The following TAF1 variants were observed in gnomAD, a reference collection of about 807,000 sequenced individuals.
TAF1 encodes TATA-box binding protein associated factor 1.
Under a neutral mutation model 138.5 loss-of-function variants are expected in TAF1, and 2 were observed. The ratio of observed to expected loss-of-function variants is 0.01; its 90% CI spans 0.01 to 0.05. The LOEUF (loss-of-function observed/expected upper bound fraction) is 0.05. Ranked by LOEUF, TAF1 falls within the 10% of genes least tolerant of loss-of-function variation. The probability of loss-of-function intolerance (pLI) is 1.00; values close to 1 mark genes in which losing one functional copy is unlikely to be tolerated. For missense variants in TAF1, 709 were observed against 1,478.0 expected (o/e 0.48, Z 8.53); for synonymous variants, 437 against 503.2 (o/e 0.87, Z 1.76).
Position 71,420,102 on chromosome X carries a change from G to A in TAF1, c.4385-1207G>A, listed in dbSNP as rs2036251289. Reference sequence around the variant, plus strand: ...TTTTTAGTAAGGGGAGTACCATGATGTCGCTCTAGCCTGGCCTCTGTAGAC... The same window carrying A: ...TTTTTAGTAAGGGGAGTACCATGATATCGCTCTAGCCTGGCCTCTGTAGAC... On this transcript the variant is annotated intron_variant, in intron 28 of 37. Coordinates refer to ENST00000423759, the MANE Select transcript of TAF1 (RefSeq NM_004606.5). The A allele has an allele frequency of 1.4e-5, 6 of 439,024 alleles. No homozygotes were observed. In the South Asian group the frequency reaches 1.4e-4, roughly 11 times the overall value. 36.2% of individuals were successfully genotyped at this position (439,024 alleles called of 1,213,427 possible).
intron 13 of TAF1, among the ~76,000 whole-genome samples, chrX:71,490,071 C>T (rs1324062584): frequency 1.8e-5 from 2 of 111,312 alleles, no homozygotes; most frequent in Non-Finnish European, 3.8e-5. Context: ...CTTTCCCCTC[C>T]TACTTGTTCC....
At chrX:71,500,206 A>G (rs936007374) in intron 13 of TAF1, among the ~76,000 whole-genome samples, 1 of 111,127 alleles carries the variant, frequency 9.0e-6, no homozygotes, top group Non-Finnish European at 1.9e-5. Flanking sequence ...AGCTTTGCAT[A>G]GTTGTGAATT....
chrX:71,420,271 C>A, intron 28 of TAF1: 1 of 1,030,137 alleles, frequency 9.7e-7, no homozygotes. Context: ...TTTGGGATCA[C>A]CTTGATTTGC....
intron 28 of TAF1, among the ~76,000 whole-genome samples, chrX:71,409,177 G>A (rs2035638947): frequency 9.0e-6 from 1 of 111,302 alleles, no homozygotes; most frequent in South Asian, 3.7e-4. Flanking sequence ...AAGACAAAGA[G>A]GAAGAAATCT....
At chrX:71,398,154 A>G (rs2034958208) in intron 23 of TAF1, among the ~76,000 whole-genome samples, 1 of 110,674 alleles carries the variant, frequency 9.0e-6, no homozygotes, top group Non-Finnish European at 1.9e-5. Context: ...CCTGACCAAC[A>G]TGGTGAAACC....
chrX:71,448,295 C>T (rs752986092), intron 32 of TAF1, among the ~76,000 whole-genome samples: 1 of 111,587 alleles, frequency 9.0e-6, no homozygotes, highest in Admixed American at 9.5e-5. Flanking sequence ...TCATTTCTTC[C>T]TAAGCTACAA....
intron 18 of TAF1, chrX:71,389,884 C>T (rs2148350300): frequency 3.6e-6 from 1 of 274,397 alleles, no homozygotes; most frequent in East Asian, 7.3e-5. Context: ...TGTTTTTTGA[C>T]AGAATCTTGC....
chrX:71,508,524 G>C (rs975983060), intron 13 of TAF1, among the ~76,000 whole-genome samples: 1 of 103,726 alleles, frequency 9.6e-6, no homozygotes, highest in Admixed American at 1.1e-4. Flanking sequence ...AGGATTGCTT[G>C]AGCCCAGGAG....
rs903346566 is a variant in TAF1, at chrX:71,408,143, C to T, written c.4376C>T (p.Thr1459Ile). ...HLELIVKNSA[T>I]YNGPKHSLTQ... Reference sequence around the variant, plus strand: ...GAGCTAATTGTGAAAAATAGTGCAACCTACAATGGTAAGAATCAAATGTTC... The same window carrying T: ...GAGCTAATTGTGAAAAATAGTGCAATCTACAATGGTAAGAATCAAATGTTC... The change falls in exon 28 of 38, where the codon ACC becomes ATC. Residue 1459 changes from threonine to isoleucine, a missense_variant. Thr to Ile is a moderately conservative substitution (Grantham distance 89, BLOSUM62 -1). Around this residue, in one of 14 missense-constraint regions of TAF1, gnomAD observed 63 missense variants for 163.3 expected, o/e 0.39. Transcript: ENST00000423759. The T allele has an allele frequency of 2.1e-5, 25 of 1,208,855 alleles. No individual in the cohort carries two copies. Among genetic ancestry groups the T allele is most frequent in the Non-Finnish European group, 2.7e-5 (24 of 894,906 alleles).
At chrX:71,449,198 G>A (rs1337182080) in intron 32 of TAF1, among the ~76,000 whole-genome samples, 1 of 111,773 alleles carries the variant, frequency 8.9e-6, no homozygotes, top group Admixed American at 9.5e-5. Context: ...CTCCATGTTG[G>A]TCAGGCTGGT....
intron 28 of TAF1, among the ~76,000 whole-genome samples, chrX:71,417,722 G>A (rs1448107256): frequency 1.8e-5 from 2 of 111,402 alleles, no homozygotes; most frequent in Non-Finnish European, 3.8e-5. Flanking sequence ...TGTGCTGTCA[G>A]CAGTAAATGC....
chrX:71,383,266 C>T, intron 12 of TAF1, 102 bp downstream of exon 12: 1 of 915,673 alleles, frequency 1.1e-6, no homozygotes, highest in East Asian at 3.4e-5. Flanking sequence ...TGGTTATTTT[C>T]TCAGATGTGA....
intron 13 of TAF1, among the ~76,000 whole-genome samples, chrX:71,517,055 T>C (rs2039838076): frequency 9.1e-6 from 1 of 110,092 alleles, no homozygotes; most frequent in South Asian, 3.9e-4. Flanking sequence ...GGGAGGGAAC[T>C]GGGCTATTTC....
At chrX:71,372,394 G>A (rs187984575) in intron 3 of TAF1, among the ~76,000 whole-genome samples, 2 of 91,938 alleles carry the variant, frequency 2.2e-5, no homozygotes, top group Non-Finnish European at 4.2e-5. Flanking sequence ...ATCATGCCAC[G>A]GCACTCCAGC....
intron 18 of TAF1, among the ~76,000 whole-genome samples, chrX:71,391,965 C>G (rs2034590582): frequency 9.0e-6 from 1 of 110,643 alleles, no homozygotes; most frequent in South Asian, 3.8e-4. Flanking sequence ...CAGGCACATT[C>G]ACCCCTTGGC....
chrX:71,447,963 T>C (rs1191721436), intron 32 of TAF1, among the ~76,000 whole-genome samples: 1 of 111,264 alleles, frequency 9.0e-6, no homozygotes, highest in Admixed American at 9.6e-5. Flanking sequence ...AAATAACGTT[T>C]CTCCAACGTG....
At chrX:71,407,803 T>TTTTG in intron 27 of TAF1, 131 bp downstream of exon 27, 3 of 958,873 alleles carry the variant, frequency 3.1e-6, no homozygotes, top group Non-Finnish European at 2.8e-6. Context: ...AGTTAGTTTT[T>TTTTG]TTTGTTTGTT....
At chrX:71,387,549 A>G in intron 15 of TAF1, 88 bp downstream of exon 15, 1 of 1,090,650 alleles carries the variant, frequency 9.2e-7, no homozygotes, top group Non-Finnish European at 1.2e-6. Context: ...CTGTAATCCC[A>G]GCACTTTGGG....
chrX:71,449,481 C>T (rs1969527269), intron 32 of TAF1, among the ~76,000 whole-genome samples: 1 of 112,039 alleles, frequency 8.9e-6, no homozygotes, highest in Non-Finnish European at 1.9e-5. Flanking sequence ...GGAAGAGGTC[C>T]CATTTTCAAA....
Sources: gnomAD v4.1 joint callset for allele counts (sites outside exome capture counted in the v4.1 genomes callset) on GRCh38, gnomAD v4.1.1 for gene constraint, gnomAD v4.1.1 regional missense constraint, MANE v1.5 for transcripts, NCBI Gene and HGNC (gene_info 2026-07-23, HGNC 2026-07-21) for gene names.